The following ADCY9 variants were observed in gnomAD, a reference collection of about 807,000 sequenced individuals.
ADCY9 encodes the protein adenylate cyclase type 9.
ADCY9 carries 50 observed loss-of-function variants against 101.5 expected under a neutral mutation model. The observed-to-expected ratio is 0.49, with a 90% CI of 0.39 to 0.62. The LOEUF (loss-of-function observed/expected upper bound fraction) is 0.62, where lower values mean the gene tolerates loss of function less well. ADCY9 is among the 20% of genes least tolerant of loss of function. The pLI is 0.00. For synonymous variants in ADCY9, 905 were observed against 769.3 expected, an observed-to-expected ratio of 1.18 and a Z score of -2.92; for missense variants, 1,662 against 1,800.4, an observed-to-expected ratio of 0.92 and a Z score of 1.39.
chr16:4,004,776 C>A (rs1044432486), intron 3 of ADCY9, among the ~76,000 whole-genome samples: 1 of 152,086 alleles, frequency 6.6e-6, no homozygotes, highest in East Asian at 1.9e-4. Context: ...AATTTGGAGA[C>A]GAGGGAACAG....
intron 2 of ADCY9, among the ~76,000 whole-genome samples, chr16:4,057,050 C>CAG (rs1162072759): frequency 7.4e-6 from 1 of 135,024 alleles, no homozygotes; most frequent in Admixed American, 7.7e-5. Context: ...CCCCCCCCCC[C>CAG]CCGCCAATCT....
chr16:3,987,897 G>T (rs181720072), intron 6 of ADCY9, among the ~76,000 whole-genome samples: 64 of 152,278 alleles, frequency 4.2e-4, no homozygotes, highest in Admixed American at 5.9e-4. Context: ...GAAGCCGCCA[G>T]GATTCAAACC....
At chr16:3,993,611 G>A in intron 3 of ADCY9, 101 bp from the exon 4 acceptor site, 1 of 1,459,974 alleles carries the variant, frequency 6.8e-7, no homozygotes, top group South Asian at 1.2e-5. Context: ...ACGCAGCATG[G>A]TGGTGAGCAA....
At chr16:4,033,179 G>T (rs1441619566) in intron 2 of ADCY9, among the ~76,000 whole-genome samples, 1 of 152,064 alleles carries the variant, frequency 6.6e-6, no homozygotes, top group Non-Finnish European at 1.5e-5. Context: ...TCACATATAA[G>T]CACTTAGCAA....
At chr16:4,071,188 G>C (rs2056831284) in intron 2 of ADCY9, among the ~76,000 whole-genome samples, 1 of 151,740 alleles carries the variant, frequency 6.6e-6, no homozygotes, top group Non-Finnish European at 1.5e-5. Context: ...AAATCAGCCA[G>C]CCATGGTGAT....
rs543450563 is a variant in ADCY9, at chr16:3,991,553, G to C, written c.2207+593C>G. The stretch of plus-strand genomic sequence containing the variant: ...AGGCGGGCAGATCACCTGAGGCCAA[G>C]AGTTCGAGACCCGCCTGGCCAACAT... On this transcript the variant is annotated intron_variant, in intron 5 of 10. Transcript: ENST00000294016. Among the ~76,000 whole-genome samples, 6 of 152,240 alleles carry C rather than the reference G, an allele frequency of 3.9e-5. No individual in the cohort carries two copies. In the South Asian group the frequency reaches 6.2e-4, roughly 16 times the overall value.
intron 5 of ADCY9, among the ~76,000 whole-genome samples, chr16:3,956,893 G>C (rs1367406910): frequency 6.6e-6 from 1 of 152,094 alleles, no homozygotes; most frequent in African/African-American, 2.4e-5. Context: ...ACACCGAGTT[G>C]AGGATTTTCA....
chr16:4,050,994 C>T (rs999978520), intron 2 of ADCY9, among the ~76,000 whole-genome samples: 1 of 152,030 alleles, frequency 6.6e-6, no homozygotes, highest in African/African-American at 2.4e-5. Context: ...AGGCAGATCA[C>T]CTGAGGTTAC....
At chr16:3,954,103 C>T (rs1451499128) in intron 5 of ADCY9, among the ~76,000 whole-genome samples, 1 of 152,212 alleles carries the variant, frequency 6.6e-6, no homozygotes, top group Non-Finnish European at 1.5e-5. Context: ...ATCATTAGCA[C>T]TTTGGTTTAA....
At chr16:3,979,019 G>A in intron 8 of ADCY9, 97 bp downstream of exon 8, 2 of 1,517,382 alleles carry the variant, frequency 1.3e-6, no homozygotes, top group Non-Finnish European at 1.8e-6. Flanking sequence ...CTGGCCAAAG[G>A]GTTTATTTTT....
chr16:4,024,212 G>A (rs1399571703), intron 2 of ADCY9, among the ~76,000 whole-genome samples: 1 of 151,736 alleles, frequency 6.6e-6, no homozygotes, highest in Non-Finnish European at 1.5e-5. Flanking sequence ...TAGTAGAGAC[G>A]GGGTTTCACC....
At chr16:3,957,758 A>AT (rs1038314012), downstream of ADCY9, among the ~76,000 whole-genome samples, 1 of 151,998 alleles carries the variant, frequency 6.6e-6, no homozygotes, top group African/African-American at 2.4e-5. Context: ...TGGCACAAGC[A>AT]TGTCTGTGCC....
At chr16:4,004,227 C>A (rs573602673) in intron 3 of ADCY9, among the ~76,000 whole-genome samples, 5 of 129,790 alleles carry the variant, frequency 3.9e-5, no homozygotes, top group African/African-American at 1.4e-4. Context: ...CTAGCCTGGG[C>A]AACAGAGCGA....
intron 2 of ADCY9, among the ~76,000 whole-genome samples, chr16:4,096,559 A>C (rs1329842203): frequency 6.6e-6 from 1 of 152,224 alleles, no homozygotes; most frequent in Non-Finnish European, 1.5e-5. Flanking sequence ...CACAAAAATC[A>C]CATTAATGAA....
At chr16:4,020,708 C>T (rs1027454243) in intron 2 of ADCY9, among the ~76,000 whole-genome samples, 3 of 152,008 alleles carry the variant, frequency 2.0e-5, no homozygotes, top group Non-Finnish European at 4.4e-5. Flanking sequence ...CGTCTGTAGT[C>T]CCAGCTGCTT....
downstream of ADCY9, among the ~76,000 whole-genome samples, chr16:3,960,351 C>G (rs1411401758): frequency 6.6e-6 from 1 of 152,104 alleles, no homozygotes; most frequent in Non-Finnish European, 1.5e-5. Context: ...GAAACTCTGT[C>G]TCTACTAAAA....
At chr16:4,040,267 A>G (rs536515522) in intron 2 of ADCY9, among the ~76,000 whole-genome samples, 35 of 152,220 alleles carry the variant, frequency 2.3e-4, no homozygotes, top group Middle Eastern at 3.4e-3. Context: ...ACACTACACA[A>G]TTACCTCAGA....
chr16:4,055,978 C>T (rs559445102), intron 2 of ADCY9, among the ~76,000 whole-genome samples: 6 of 152,286 alleles, frequency 3.9e-5, no homozygotes, highest in South Asian at 4.1e-4. Flanking sequence ...TGGGTGACTG[C>T]GCGTCTCTGG....
chr16:3,994,614 C>A (rs1357619680), intron 3 of ADCY9, among the ~76,000 whole-genome samples: 3 of 152,188 alleles, frequency 2.0e-5, no homozygotes, highest in Admixed American at 6.5e-5. Flanking sequence ...TGCCACCACG[C>A]CCGGCTACTT....
Sources: gnomAD v4.1 joint callset for allele counts (sites outside exome capture counted in the v4.1 genomes callset) on GRCh38, gnomAD v4.1.1 for gene constraint, MANE v1.5 for transcripts, NCBI Gene and HGNC (gene_info 2026-07-23, HGNC 2026-07-21) for gene names.